PSMD14: variants seen among roughly 807,000 people sequenced by gnomAD.
The protein encoded by PSMD14 is ubiquitin C-terminal hydrolase PSMD14.
PSMD14 carries 7 observed loss-of-function variants against 41.2 expected under a neutral mutation model. The ratio of observed to expected loss-of-function variants is 0.17; its 90% CI spans 0.10 to 0.32. PSMD14 has a LOEUF of 0.32. Ranked by LOEUF, PSMD14 falls within the 10% of genes least tolerant of loss-of-function variation. PSMD14 has a pLI of 1.00. For missense variants in PSMD14, 139 were observed against 375.6 expected (o/e 0.37, Z 5.21); for synonymous variants, 114 against 122.3 (o/e 0.93, Z 0.45).
intron 8 of PSMD14, among the ~76,000 whole-genome samples, chr2:161,389,889 G>GTTGTTTTTTTTTTTTTTGTTTTT: frequency 5.0e-5 from 1 of 20,042 alleles, no homozygotes; most frequent in African/African-American, 1.5e-4. Flanking sequence ...CTTTTTTGTT[G>GTTGTTTTTTTTTTTTTTGTTTTT]TTTTTTTTTT....
chr2:161,340,803 G>C, intron 3 of PSMD14: 2 of 1,613,722 alleles, frequency 1.2e-6, no homozygotes, highest in South Asian at 2.2e-5. Flanking sequence ...AGGACGCTAA[G>C]GATAACTTCG....
intron 11 of PSMD14, among the ~76,000 whole-genome samples, 186 bp downstream of exon 11, chr2:161,409,085 A>G (rs1683992118): frequency 6.6e-6 from 1 of 152,146 alleles, no homozygotes; most frequent in Non-Finnish European, 1.5e-5. Flanking sequence ...AGAGAAGTAA[A>G]TCACAAATAC....
At chr2:161,394,354 A>G (rs950776007) in intron 9 of PSMD14, among the ~76,000 whole-genome samples, 3 of 152,172 alleles carry the variant, frequency 2.0e-5, no homozygotes, top group Non-Finnish European at 4.4e-5. Context: ...TTTAAATTAT[A>G]GATGGAATAC....
rs576295559 is a variant in PSMD14 at position 161,318,610 on chromosome 2, A to C, written c.-4-212A>C. Among the ~76,000 whole-genome samples the C allele has an allele frequency of 2.6e-5, 4 of 152,298 alleles. No individual in the cohort carries two copies. In the South Asian group the frequency reaches 8.3e-4, roughly 32 times the overall value. On this transcript the variant is annotated intron_variant, in intron 2 of 11. Coordinates refer to ENST00000409682, the MANE Select transcript of PSMD14 (RefSeq NM_005805.6). ...TGTCTTTAAAACTGGGGATAACCCA[A>C]AACCAAAGCAGTAAAATAAGGTCTG...
Position 161,375,079 on chromosome 2 carries a change from A to G in PSMD14, c.462+3757A>G, listed in dbSNP as rs567206562. Among the ~76,000 whole-genome samples the G allele has an allele frequency of 2.0e-5, 3 of 152,118 alleles. 1 individual carries two copies. The South Asian group carries it at 6.2e-4, about 32-fold the overall frequency. On this transcript the variant is annotated intron_variant, in intron 7 of 11. Coordinates refer to ENST00000409682, the MANE Select transcript of PSMD14 (RefSeq NM_005805.6). ...TTTATTTAATCTGATCAAAACACTC[A>G]ATGGACTTTAAAAAATGTGATGTTT... is the stretch of plus-strand genomic sequence containing the variant.
chr2:161,398,297 A>C (rs1264278897), intron 10 of PSMD14, among the ~76,000 whole-genome samples: 1 of 152,100 alleles, frequency 6.6e-6, no homozygotes, highest in Non-Finnish European at 1.5e-5. Flanking sequence ...TATTCTTTTT[A>C]ATTGGTTGGT....
intron 10 of PSMD14, among the ~76,000 whole-genome samples, chr2:161,400,097 A>T (rs1683855738): frequency 6.6e-6 from 1 of 152,208 alleles, no homozygotes; most frequent in Non-Finnish European, 1.5e-5. Flanking sequence ...TTTGCATTAA[A>T]CAAGTAATAC....
intron 3 of PSMD14, among the ~76,000 whole-genome samples, chr2:161,336,430 A>G (rs754524950): frequency 1.4e-4 from 21 of 152,210 alleles, no homozygotes; most frequent in Non-Finnish European, 2.4e-4. Context: ...CGGATGAATT[A>G]TGGAAGCATA....
chr2:161,400,399 A>G (rs1683859387), intron 10 of PSMD14, among the ~76,000 whole-genome samples: 1 of 152,162 alleles, frequency 6.6e-6, no homozygotes, highest in African/African-American at 2.4e-5. Flanking sequence ...TAAGTTCCAC[A>G]CAGCACTCCT....
chr2:161,395,188 C>T lies in PSMD14; in HGVS notation c.756C>T (p.Ala252=), dbSNP rs1370064608. 1 of 1,585,968 alleles carries T rather than the reference C, an allele frequency of 6.3e-7. No individual in the cohort carries two copies. Among genetic ancestry groups the T allele is most frequent in the Non-Finnish European group, 8.6e-7 (1 of 1,166,116 alleles). The part of the protein sequence containing the change: ...ESVVKEMLEL[A]KNYNKAVEEE... ...TGGTAAAAGAGATGTTGGAATTAGCCAAGAATTACAATAAGGTAAAAGTTA... is the reference window on the plus strand; with the variant it reads ...TGGTAAAAGAGATGTTGGAATTAGCTAAGAATTACAATAAGGTAAAAGTTA... The change falls in exon 10 of 12, where the codon GCC becomes GCT. Residue 252 remains alanine, a synonymous_variant. Transcript: ENST00000409682.
In PSMD14 at chr2:161,358,715, C is replaced by T. The variant is rs553258315; in HGVS notation, c.49-8763C>T. ...ATCCCAACACTTTGGGAGGCTGAGG[C>T]GGGTGGATCATGAGATCAGGAGTTT... is the stretch of plus-strand genomic sequence containing the variant. On this transcript the variant is annotated intron_variant, in intron 3 of 11. Transcript: ENST00000409682. Among the ~76,000 whole-genome samples the T allele has an allele frequency of 3.3e-5, 5 of 152,226 alleles. No individual in the cohort carries two copies. In the East Asian group the frequency reaches 5.8e-4, roughly 18 times the overall value.
At chr2:161,377,143 C>G (rs905362643) in intron 7 of PSMD14, among the ~76,000 whole-genome samples, 6 of 151,866 alleles carry the variant, frequency 4.0e-5, no homozygotes, top group African/African-American at 1.4e-4. Flanking sequence ...TTTAGCATAG[C>G]TGCTATATTT....
intron 9 of PSMD14, among the ~76,000 whole-genome samples, chr2:161,394,526 A>C (rs890775003): frequency 2.0e-5 from 3 of 152,194 alleles, no homozygotes; most frequent in African/African-American, 7.2e-5. Context: ...AATTAGAGAT[A>C]CTTATAAATT....
intron 3 of PSMD14, among the ~76,000 whole-genome samples, chr2:161,323,712 A>G (rs185324023): frequency 5.3e-4 from 80 of 152,276 alleles, no homozygotes; most frequent in African/African-American, 1.9e-3. Context: ...CAATAATTAA[A>G]TTTGTCCTCA....
rs1295188497 is a variant in PSMD14 at position 161,316,494 on chromosome 2, A to G, written c.-80A>G. ...AGTTGTACCTGCCAGAATTAGCAAG[A>G]GCTTTCTTTAAGAAGACATTTGTCA... On this transcript the variant is annotated 5_prime_UTR_variant, in exon 2 of 12. Coordinates refer to ENST00000409682, the MANE Select transcript of PSMD14 (RefSeq NM_005805.6). 1 of 152,198 alleles carries G rather than the reference A, an allele frequency of 6.6e-6. No individual in the cohort carries two copies. The highest frequency in any genetic ancestry group is 1.5e-5 in the Non-Finnish European group (1 of 68,028). 9.4% of individuals were successfully genotyped at this position (152,198 alleles called of 1,614,324 possible). A position where few individuals can be genotyped will look rare whatever the true frequency, so the allele number is the denominator to read the frequency against.
intron 3 of PSMD14, among the ~76,000 whole-genome samples, chr2:161,335,280 CTA>C (rs1047288839): frequency 1.3e-5 from 2 of 152,064 alleles, no homozygotes; most frequent in Admixed American, 6.5e-5. Context: ...AAAGATAATT[CTA>C]TGTTAGTATT....
chr2:161,371,140 T>A (rs753334932), intron 6 of PSMD14, 32 bp from the exon 7 acceptor site: 1 of 1,605,382 alleles, frequency 6.2e-7, no homozygotes, highest in Non-Finnish European at 8.5e-7. Flanking sequence ...ACTTGTTCTG[T>A]TCTGAGCATC....
At chr2:161,408,676 A>G in intron 10 of PSMD14, 161 bp from the exon 11 acceptor site, 1 of 558,188 alleles carries the variant, frequency 1.8e-6, no homozygotes, top group Admixed American at 3.2e-5. Flanking sequence ...ATTGCCCTGA[A>G]GGTTATTCTG....
chr2:161,397,978 G>C (rs1683824775), intron 10 of PSMD14, among the ~76,000 whole-genome samples: 1 of 152,090 alleles, frequency 6.6e-6, no homozygotes, highest in African/African-American at 2.4e-5. Flanking sequence ...TGTAGGAATG[G>C]TTTTCATTTC....
Sources: gnomAD v4.1 joint callset for allele counts (sites outside exome capture counted in the v4.1 genomes callset) on GRCh38, gnomAD v4.1.1 for gene constraint, MANE v1.5 for transcripts, NCBI Gene and HGNC (gene_info 2026-07-23, HGNC 2026-07-21) for gene names.